PARD3B: variants seen among roughly 807,000 people sequenced by gnomAD.
PARD3B encodes partitioning defective 3 homolog B.
A neutral mutation model predicts 130.2 loss-of-function variants in PARD3B; 103 were observed. The observed-to-expected ratio is 0.79, with a 90% CI of 0.67 to 0.93. The LOEUF (loss-of-function observed/expected upper bound fraction) is 0.93. Ranked by LOEUF, PARD3B falls within the 40% of genes least tolerant of loss-of-function variation. The pLI is 0.00. For synonymous variants in PARD3B, 583 were observed against 553.2 expected, an observed-to-expected ratio of 1.05 and a Z score of -0.76; for missense variants, 1,609 against 1,499.2, an observed-to-expected ratio of 1.07 and a Z score of -1.21.
In PARD3B at chr2:205,089,707, T is replaced by C. The variant is rs974675687; in HGVS notation, c.505-14719T>C. Among the ~76,000 whole-genome samples the C allele has an allele frequency of 2.6e-5, 4 of 152,308 alleles. No homozygotes were observed. The South Asian group carries it at 6.2e-4, about 24-fold the overall frequency. On this transcript the variant is annotated intron_variant, in intron 4 of 22. Coordinates refer to ENST00000406610, the MANE Select transcript of PARD3B (RefSeq NM_001302769.2). ...ATTCTCCATTTCCTGAAGTCAAGGG[T>C]AGGACTGAGTCAATTATTTTGTTCA...
intron 3 of PARD3B, among the ~76,000 whole-genome samples, chr2:205,012,082 G>C (rs1202397903): frequency 6.6e-6 from 1 of 152,092 alleles, no homozygotes; most frequent in African/African-American, 2.4e-5. Context: ...CCTGCAACTT[G>C]GTTGGCCTCC....
intron 1 of PARD3B, among the ~76,000 whole-genome samples, chr2:204,593,769 G>C (rs889028987): frequency 6.6e-5 from 10 of 152,138 alleles, no homozygotes; most frequent in African/African-American, 2.4e-4. Flanking sequence ...CAGAATTTGT[G>C]CTTTTCTTCA....
chr2:205,308,780 T>A (rs1327872537), intron 18 of PARD3B, among the ~76,000 whole-genome samples: 1 of 152,158 alleles, frequency 6.6e-6, no homozygotes, highest in Non-Finnish European at 1.5e-5. Flanking sequence ...TCAATTTACA[T>A]GGTGTCAAGC....
At chr2:205,451,503 C>T (rs2106196784) in intron 20 of PARD3B, among the ~76,000 whole-genome samples, 1 of 151,902 alleles carries the variant, frequency 6.6e-6, no homozygotes, top group East Asian at 1.9e-4. Context: ...TTTTCAGTTC[C>T]CTTTAATAAT....
At chr2:205,315,076 T>C (rs1028399030) in intron 18 of PARD3B, among the ~76,000 whole-genome samples, 5 of 152,254 alleles carry the variant, frequency 3.3e-5, no homozygotes, top group African/African-American at 1.2e-4. Flanking sequence ...TTTATTCATT[T>C]CTTCATTCCT....
intron 20 of PARD3B, among the ~76,000 whole-genome samples, chr2:205,485,040 A>G (rs137974311): frequency 1.2e-3 from 180 of 152,304 alleles, no homozygotes; most frequent in African/African-American, 4.1e-3. Flanking sequence ...TCCATGGCAG[A>G]TACTCAGGCA....
intron 2 of PARD3B, among the ~76,000 whole-genome samples, chr2:204,862,097 A>C (rs1381684431): frequency 1.3e-5 from 2 of 152,128 alleles, no homozygotes; most frequent in African/African-American, 4.8e-5. Context: ...CAATTTTCAT[A>C]AGTGGAAAAT....
chr2:205,157,467 T>G (rs1403541135), intron 10 of PARD3B, among the ~76,000 whole-genome samples: 1 of 152,192 alleles, frequency 6.6e-6, no homozygotes, highest in Non-Finnish European at 1.5e-5. Context: ...ACTATTTCTT[T>G]AAAAGTTAGC....
At chr2:205,583,432 AG>A (rs2054077469) in intron 22 of PARD3B, among the ~76,000 whole-genome samples, 1 of 147,954 alleles carries the variant, frequency 6.8e-6, no homozygotes, top group Non-Finnish European at 1.5e-5. Flanking sequence ...AGAGAGAGAG[AG>A]AGATGCACAT....
chr2:204,788,445 G>T (rs923501613), intron 2 of PARD3B, among the ~76,000 whole-genome samples: 1 of 152,226 alleles, frequency 6.6e-6, no homozygotes, highest in Non-Finnish European at 1.5e-5. Context: ...ACGTAGCAGA[G>T]TTCTTAATCA....
chr2:205,236,711 T>C (rs1004533339), intron 15 of PARD3B, among the ~76,000 whole-genome samples: 1 of 152,170 alleles, frequency 6.6e-6, no homozygotes, highest in Non-Finnish European at 1.5e-5. Flanking sequence ...ACATTTGAAA[T>C]TGATCAATGG....
intron 2 of PARD3B, among the ~76,000 whole-genome samples, chr2:204,930,439 A>AATTTTTATT (rs1687949102): frequency 6.6e-6 from 1 of 152,116 alleles, no homozygotes; most frequent in East Asian, 1.9e-4. Flanking sequence ...TATTGTTTAA[A>AATTTTTATT]ATTTTTATTA....
chr2:205,226,253 G>A (rs569779777), intron 15 of PARD3B, among the ~76,000 whole-genome samples: 35 of 152,288 alleles, frequency 2.3e-4, no homozygotes, highest in Non-Finnish European at 4.7e-4. Context: ...GTGTTAGCCA[G>A]GATGGTCTCG....
At chr2:204,643,038 C>A (rs181251413) in intron 1 of PARD3B, among the ~76,000 whole-genome samples, 1 of 141,560 alleles carries the variant, frequency 7.1e-6, no homozygotes, top group Non-Finnish European at 1.5e-5. Flanking sequence ...CATTTGAACC[C>A]GGGGGGCGCA....
intron 11 of PARD3B, among the ~76,000 whole-genome samples, chr2:205,165,722 AAAATAAATAAATAAATAAATAAAT>A (rs71032449): frequency 0.38 from 54,870 of 146,104 alleles, 10,398 homozygotes; most frequent in Middle Eastern, 0.51. Context: ...CTCTGTCTCA[AAAATAAATAAATAAATAAATAAAT>A]AAATAAATAA....
At chr2:204,804,554 C>T (rs1169331695) in intron 2 of PARD3B, among the ~76,000 whole-genome samples, 1 of 152,126 alleles carries the variant, frequency 6.6e-6, no homozygotes, top group Non-Finnish European at 1.5e-5. Context: ...CTGGAGACTT[C>T]ACTCTGCTTC....
intron 3 of PARD3B, among the ~76,000 whole-genome samples, chr2:205,032,474 A>T (rs1048884327): frequency 6.6e-6 from 1 of 152,140 alleles, no homozygotes; most frequent in Non-Finnish European, 1.5e-5. Context: ...CCAGGAGCAG[A>T]TATGGGTCAA....
At chr2:204,666,950 G>A (rs2036051989) in intron 1 of PARD3B, among the ~76,000 whole-genome samples, 1 of 152,152 alleles carries the variant, frequency 6.6e-6, no homozygotes, top group Admixed American at 6.5e-5. Context: ...GAGGGATTTG[G>A]ATGTAAAGGC....
intron 2 of PARD3B, among the ~76,000 whole-genome samples, chr2:204,865,068 C>T (rs1012879993): frequency 5.3e-5 from 8 of 151,894 alleles, no homozygotes; most frequent in African/African-American, 1.9e-4. Flanking sequence ...ATCAAAACCA[C>T]GATATGATAT....
Sources: allele counts gnomAD v4.1 joint callset (sites outside exome capture counted in the v4.1 genomes callset), GRCh38; gene constraint gnomAD v4.1.1; transcripts MANE v1.5; gene names NCBI Gene and HGNC (gene_info 2026-07-23, HGNC 2026-07-21).